The following EFNA5 variants were observed in gnomAD, a reference collection of about 807,000 sequenced individuals.
EFNA5 encodes the protein ephrin A5.
In EFNA5, 5 loss-of-function variants were observed where a neutral mutation model predicts 22.9. The ratio of observed to expected loss-of-function variants is 0.22; its 90% CI spans 0.11 to 0.46. The LOEUF is 0.46. EFNA5 is among the 20% of genes least tolerant of loss of function. The pLI, the probability that EFNA5 is intolerant of heterozygous loss-of-function variation, is 0.99. For missense variants in EFNA5, 237 were observed against 293.3 expected (o/e 0.81, Z 1.40); for synonymous variants, 113 against 112.2 (o/e 1.01, Z -0.04).
intron 1 of EFNA5, among the ~76,000 whole-genome samples, chr5:107,633,584 GCAGTGTAA>G (rs1171452304): frequency 2.0e-5 from 3 of 152,204 alleles, no homozygotes; most frequent in African/African-American, 7.2e-5. Flanking sequence ...GGCTGGCCAG[GCAGTGTAA>G]CATAAAGGCC....
At chr5:107,547,752 T>C (rs1748199522) in intron 1 of EFNA5, among the ~76,000 whole-genome samples, 1 of 152,190 alleles carries the variant, frequency 6.6e-6, no homozygotes, top group Admixed American at 6.5e-5. Flanking sequence ...TTGTGAATGA[T>C]TACAAGAGGT....
At chr5:107,441,567 T>C (rs992624354) in intron 1 of EFNA5, among the ~76,000 whole-genome samples, 1 of 152,204 alleles carries the variant, frequency 6.6e-6, no homozygotes, top group African/African-American at 2.4e-5. Flanking sequence ...TTATTCCAAC[T>C]CACTAGAGGA....
At chr5:107,477,382 G>A (rs1018102997) in intron 1 of EFNA5, among the ~76,000 whole-genome samples, 1 of 152,138 alleles carries the variant, frequency 6.6e-6, no homozygotes, top group Non-Finnish European at 1.5e-5. Context: ...TTTCTGGACT[G>A]TTTAAAGGTA....
intron 1 of EFNA5, among the ~76,000 whole-genome samples, chr5:107,627,184 G>A (rs1194406786): frequency 6.6e-6 from 1 of 152,044 alleles, no homozygotes; most frequent in Admixed American, 6.6e-5. Context: ...TACTAAAAAA[G>A]CACATTAGAG....
intron 1 of EFNA5, among the ~76,000 whole-genome samples, chr5:107,457,778 C>A (rs1161582691): frequency 6.6e-6 from 1 of 152,122 alleles, no homozygotes; most frequent in African/African-American, 2.4e-5. Context: ...TTTCTATAAA[C>A]ACACAATTGT....
chr5:107,610,462 C>T (rs1381350117), intron 1 of EFNA5, among the ~76,000 whole-genome samples: 4 of 152,162 alleles, frequency 2.6e-5, no homozygotes, highest in Admixed American at 2.6e-4. Flanking sequence ...AAACACGTTA[C>T]GTGAAAAAGC....
At chr5:107,543,546 C>T (rs1038335326) in intron 1 of EFNA5, among the ~76,000 whole-genome samples, 1 of 152,096 alleles carries the variant, frequency 6.6e-6, no homozygotes, top group African/African-American at 2.4e-5. Context: ...AGCTATTTTC[C>T]ATTAACTTAC....
At chr5:107,454,451 TTTGTGA>T (rs1322216009) in intron 1 of EFNA5, among the ~76,000 whole-genome samples, 1 of 152,166 alleles carries the variant, frequency 6.6e-6, no homozygotes, top group Non-Finnish European at 1.5e-5. Flanking sequence ...GAAGCTTTAC[TTTGTGA>T]TTGTCTGCTT....
At chr5:107,550,374 TG>T (rs1365085563) in intron 1 of EFNA5, among the ~76,000 whole-genome samples, 1 of 152,228 alleles carries the variant, frequency 6.6e-6, no homozygotes, top group East Asian at 1.9e-4. Context: ...CATCTTTATA[TG>T]TATGCGAGAC....
chr5:107,655,882 T>G (rs1245934102), intron 1 of EFNA5, among the ~76,000 whole-genome samples: 1 of 152,160 alleles, frequency 6.6e-6, no homozygotes, highest in Non-Finnish European at 1.5e-5. Flanking sequence ...TATTTATACC[T>G]CTAACATCAA....
intron 1 of EFNA5, among the ~76,000 whole-genome samples, chr5:107,587,419 G>C (rs774440316): frequency 3.3e-5 from 5 of 152,256 alleles, no homozygotes; most frequent in South Asian, 2.1e-4. Flanking sequence ...TTAAAGTTAT[G>C]AAAAATCAAG....
At chr5:107,406,889 G>A (rs1188790288) in intron 2 of EFNA5, among the ~76,000 whole-genome samples, 1 of 152,098 alleles carries the variant, frequency 6.6e-6, no homozygotes, top group Admixed American at 6.6e-5. Context: ...TCACTGATCT[G>A]CTCTAACTGC....
intron 1 of EFNA5, among the ~76,000 whole-genome samples, chr5:107,653,843 G>A (rs1750778365): frequency 6.6e-6 from 1 of 152,120 alleles, no homozygotes; most frequent in Non-Finnish European, 1.5e-5. Flanking sequence ...TATATCTTGT[G>A]AGCAGAGTCC....
intron 1 of EFNA5, among the ~76,000 whole-genome samples, chr5:107,572,242 G>A (rs1206441464): frequency 6.6e-6 from 1 of 151,970 alleles, no homozygotes; most frequent in Non-Finnish European, 1.5e-5. Context: ...GCGCCAGACA[G>A]CCCTCGGAGC....
chr5:107,515,154 C>T (rs979190154), intron 1 of EFNA5, among the ~76,000 whole-genome samples: 6 of 152,042 alleles, frequency 3.9e-5, no homozygotes, highest in African/African-American at 1.4e-4. Context: ...CCTGCCTCAG[C>T]CTCCCAAGTA....
At chr5:107,493,958 G>A (rs1207477179) in intron 1 of EFNA5, among the ~76,000 whole-genome samples, 3 of 152,198 alleles carry the variant, frequency 2.0e-5, no homozygotes, top group East Asian at 3.8e-4. Context: ...AAGCAGGCTG[G>A]CTCCAGAGTC....
intron 1 of EFNA5, among the ~76,000 whole-genome samples, chr5:107,655,281 C>CTCAT (rs1750799060): frequency 6.6e-6 from 1 of 152,070 alleles, no homozygotes; most frequent in Non-Finnish European, 1.5e-5. Context: ...TCATAGCAAG[C>CTCAT]TCATTCCCTT....
intron 4 of EFNA5, among the ~76,000 whole-genome samples, chr5:107,386,927 A>G (rs1747641854): frequency 6.6e-6 from 1 of 152,198 alleles, no homozygotes; most frequent in South Asian, 2.1e-4. Context: ...ACAGTGATTC[A>G]CCAGCATGCT....
Position 107,465,851 on chromosome 5 carries a change from C to A in EFNA5, c.126-38342G>T, listed in dbSNP as rs139495673. On this transcript the variant is annotated intron_variant, in intron 1 of 4. Coordinates refer to ENST00000333274, the MANE Select transcript of EFNA5 (RefSeq NM_001962.3). The stretch of plus-strand genomic sequence containing the variant: ...AGCAGGATAGAGCCTGAGATCCTCA[C>A]TGAAAAACAAAGAAAAAGGGAATGA... Among the ~76,000 whole-genome samples, 41 of 152,016 alleles carry A rather than the reference C, an allele frequency of 2.7e-4. No individual in the cohort carries two copies. The East Asian group carries it at 6.8e-3, about 25-fold the overall frequency.
Sources: allele counts gnomAD v4.1 joint callset (sites outside exome capture counted in the v4.1 genomes callset), GRCh38; gene constraint gnomAD v4.1.1; transcripts MANE v1.5; gene names NCBI Gene and HGNC (gene_info 2026-07-23, HGNC 2026-07-21).